Variants in PHIP observed in about 807,000 individuals in gnomAD.
PHIP encodes PH-interacting protein.
PHIP carries 54 observed loss-of-function variants against 236.8 expected under a neutral mutation model. The ratio of observed to expected loss-of-function variants is 0.23; its 90% confidence interval spans 0.18 to 0.29. The LOEUF is 0.29. Among genes scored for constraint, PHIP ranks in the 10% least tolerant of loss-of-function variants. PHIP has a pLI of 1.00. For missense variants in PHIP, 1,370 were observed against 2,190.8 expected (o/e 0.63, Z 7.48); for synonymous variants, 756 against 718.9 (o/e 1.05, Z -0.83).
At chr6:79,042,753 A>G in intron 7 of PHIP, 90 bp downstream of exon 7, 1 of 978,520 alleles carries the variant, frequency 1.0e-6, no homozygotes, top group Non-Finnish European at 1.4e-6. Context: ...TTAAAAGAAA[A>G]AAAAGCAAGG....
At chr6:79,027,967 T>C (rs1306798594) in intron 7 of PHIP, among the ~76,000 whole-genome samples, 4 of 152,200 alleles carry the variant, frequency 2.6e-5, no homozygotes, top group Non-Finnish European at 5.9e-5. Flanking sequence ...GTCTGACACA[T>C]GGTTACAGCT....
chr6:78,972,166 C>T (rs553757570), intron 24 of PHIP, among the ~76,000 whole-genome samples: 4,755 of 151,954 alleles, frequency 0.031, 90 homozygotes, highest in Middle Eastern at 0.058. Flanking sequence ...TCTCCCAGTA[C>T]GCAGCTGGAG....
chr6:78,948,237 T>C (rs1332519204), intron 35 of PHIP, among the ~76,000 whole-genome samples: 2 of 152,154 alleles, frequency 1.3e-5, no homozygotes, highest in South Asian at 4.1e-4. Context: ...TAAGTTCTAG[T>C]AATCTCAACT....
chr6:78,992,101 T>C (rs1769294052), intron 19 of PHIP, among the ~76,000 whole-genome samples: 1 of 151,710 alleles, frequency 6.6e-6, no homozygotes, highest in Non-Finnish European at 1.5e-5. Flanking sequence ...TAGCTGGGAC[T>C]ACATGCGTCC....
At chr6:79,077,340 C>G (rs1249377088) in intron 4 of PHIP, 108 bp downstream of exon 4, 3 of 1,060,130 alleles carry the variant, frequency 2.8e-6, no homozygotes, top group Non-Finnish European at 4.3e-6. Context: ...GCCTTTGGAG[C>G]TTTCACGTTC....
chr6:79,073,893 T>C (rs557148168), intron 4 of PHIP, among the ~76,000 whole-genome samples: 1 of 152,272 alleles, frequency 6.6e-6, no homozygotes, highest in Non-Finnish European at 1.5e-5. Context: ...TTTCTGTGTT[T>C]TGGAAAACTA....
chr6:79,075,603 T>G (rs1416265133), intron 4 of PHIP, among the ~76,000 whole-genome samples: 1 of 88,586 alleles, frequency 1.1e-5, no homozygotes, highest in African/African-American at 4.5e-5. Flanking sequence ...TTAAATTAAC[T>G]CAAAATCAAA....
rs1773474083 is a variant in PHIP at position 78,941,015 on chromosome 6, T to C, written c.5144A>G (p.Lys1715Arg). ...LLQKKNRGGR[K>R]PKRKMKTQKL... ...TTGTGTCTTCATCTTCCTTTTGGGC[T>C]TCCTACCTCCACGATTCTTTTTCTG... The change falls in exon 40 of 40, where the codon AAG becomes AGG. Residue 1715 changes from lysine (K) to arginine (R), a missense_variant. Physicochemically the swap from Lys to Arg is conservative, Grantham distance 26. Transcript: ENST00000275034. 6.2e-7 allele frequency: 1 copy of C among 1,613,964 alleles called. No homozygotes were observed. The highest frequency in any genetic ancestry group is 2.2e-5 in the East Asian group (1 of 44,874).
chr6:79,013,030 G>A (rs1485650579), intron 15 of PHIP, among the ~76,000 whole-genome samples: 2 of 151,772 alleles, frequency 1.3e-5, no homozygotes, highest in Non-Finnish European at 3.0e-5. Context: ...AGCCAACCAT[G>A]ACAAGATTTG....
intron 31 of PHIP, 101 bp downstream of exon 31, chr6:78,961,589 T>G: frequency 9.0e-7 from 1 of 1,115,618 alleles, no homozygotes. Context: ...CTTATGTGCA[T>G]TCCTATATAC....
At chr6:79,072,624 C>T (rs970320095) in intron 4 of PHIP, among the ~76,000 whole-genome samples, 1 of 152,024 alleles carries the variant, frequency 6.6e-6, no homozygotes, top group African/African-American at 2.4e-5. Flanking sequence ...ATTGGGACTA[C>T]AGGCATGCGC....
chr6:78,965,680 C>G (rs769315197), intron 29 of PHIP, 23 bp downstream of exon 29: 6 of 1,383,096 alleles, frequency 4.3e-6, no homozygotes, highest in Non-Finnish European at 6.0e-6. Flanking sequence ...AATGGAGAAA[C>G]AAAAAGCCTA....
Position 78,940,122 on chromosome 6 carries a change from G to A in PHIP, c.*571C>T, listed in dbSNP as rs1273772458. On this transcript the variant is annotated 3_prime_UTR_variant, in exon 40 of 40. Coordinates refer to ENST00000275034, the MANE Select transcript of PHIP (RefSeq NM_017934.7). The stretch of plus-strand genomic sequence containing the variant: ...AGCAAAAGCCTCCTCTAGATACTTT[G>A]TAGATGAACATTCTATAATTAAAAT... The A allele has an allele frequency of 6.6e-6, 1 of 152,264 alleles. No homozygotes were observed. Among genetic ancestry groups the A allele is most frequent in the African/African-American group, 2.4e-5 (1 of 41,416 alleles). 9.4% of individuals were successfully genotyped at this position (152,264 alleles called of 1,614,324 possible).
chr6:78,955,109 G>T lies in PHIP; in HGVS notation c.3903+123C>A. 1.4e-5 allele frequency: 12 copies of T among 881,852 alleles called. No individual in the cohort carries two copies. In the Middle Eastern group the frequency reaches 9.7e-4, roughly 72 times the overall value. The allele number at this position is 881,852 out of a possible 1,614,324, so 54.6% of individuals were successfully genotyped here. The stretch of plus-strand genomic sequence containing the variant: ...CCAAGTTCTAAAAAACATACATTTT[G>T]TAATTGAAACTAATTTGAAATACTT... On this transcript the variant is annotated intron_variant, in intron 34 of 39. Coordinates refer to ENST00000275034, the MANE Select transcript of PHIP (RefSeq NM_017934.7).
intron 13 of PHIP, 29 bp from the exon 14 acceptor site, chr6:79,015,812 C>A: frequency 6.4e-7 from 1 of 1,562,188 alleles, no homozygotes; most frequent in South Asian, 1.2e-5. Context: ...TTTACACTGA[C>A]TATTAAAATA....
intron 23 of PHIP, 60 bp from the exon 24 acceptor site, chr6:78,978,771 C>A (rs939238227): frequency 1.3e-5 from 18 of 1,342,070 alleles, no homozygotes; most frequent in African/African-American, 5.8e-5. Context: ...ATCCACAAAT[C>A]TACTCTTTAA....
chr6:78,973,135 G>A (rs564144215), intron 24 of PHIP, among the ~76,000 whole-genome samples: 23 of 152,058 alleles, frequency 1.5e-4, no homozygotes, highest in Non-Finnish European at 3.2e-4. Context: ...GAGAAAGGTC[G>A]GGTTACGCTC....
chr6:79,025,051 A>G (rs1771328482), intron 9 of PHIP, among the ~76,000 whole-genome samples: 1 of 152,212 alleles, frequency 6.6e-6, no homozygotes. Context: ...AGGGGAATAC[A>G]TCTATCTACC....
chr6:79,015,516 AC>A, intron 14 of PHIP, 113 bp downstream of exon 14: 2 of 786,538 alleles, frequency 2.5e-6, no homozygotes, highest in East Asian at 2.6e-5. Context: ...CAAAGCCGTT[AC>A]CCCAGCAAGC....
Sources: gnomAD v4.1 joint callset for allele counts (sites outside exome capture counted in the v4.1 genomes callset) on GRCh38, gnomAD v4.1.1 for gene constraint, MANE v1.5 for transcripts, NCBI Gene and HGNC (gene_info 2026-07-23, HGNC 2026-07-21) for gene names.